Variants in THSD7B observed in about 807,000 individuals in gnomAD.
THSD7B encodes thrombospondin type 1 domain containing 7B.
THSD7B carries 138 observed loss-of-function variants against 213.6 expected under a neutral mutation model. That is an observed-to-expected ratio of 0.65 (90% CI 0.56 to 0.74). The LOEUF (loss-of-function observed/expected upper bound fraction) is 0.74. Ranked by LOEUF, THSD7B falls within the 30% of genes least tolerant of loss-of-function variation. THSD7B has a pLI of 0.00. For synonymous variants in THSD7B, 742 were observed against 687.0 expected (o/e 1.08, Z -1.25); for missense variants, 1,931 against 1,991.5 (o/e 0.97, Z 0.58).
At chr2:136,856,942 A>G (rs763098354) in intron 1 of THSD7B, among the ~76,000 whole-genome samples, 7 of 152,186 alleles carry the variant, frequency 4.6e-5, no homozygotes, top group Non-Finnish European at 1.0e-4. Flanking sequence ...TTCATAAACA[A>G]CTTTTCTGAA....
At chr2:137,614,189 G>T (rs1049845504) in intron 17 of THSD7B, among the ~76,000 whole-genome samples, 11 of 152,058 alleles carry the variant, frequency 7.2e-5, no homozygotes, top group African/African-American at 2.4e-4. Context: ...ACCTCAAGAA[G>T]ATATTTTAGA....
At chr2:136,859,109 G>T (rs973163261) in intron 1 of THSD7B, among the ~76,000 whole-genome samples, 1 of 152,150 alleles carries the variant, frequency 6.6e-6, no homozygotes, top group African/African-American at 2.4e-5. Context: ...CTTACTGTTG[G>T]CACCTGCTAC....
intron 12 of THSD7B, among the ~76,000 whole-genome samples, chr2:137,335,110 G>C (rs996145548): frequency 2.6e-5 from 4 of 152,134 alleles, no homozygotes; most frequent in Non-Finnish European, 5.9e-5. Flanking sequence ...GTGTGGGAAT[G>C]GACTAATCCA....
intron 2 of THSD7B, among the ~76,000 whole-genome samples, chr2:137,047,121 G>C (rs1348031756): frequency 6.6e-6 from 1 of 152,156 alleles, no homozygotes; most frequent in Non-Finnish European, 1.5e-5. Flanking sequence ...GTGCAGCAGT[G>C]GATTCTTGAA....
chr2:137,669,599 A>C (rs1683520291), intron 27 of THSD7B, among the ~76,000 whole-genome samples: 1 of 152,212 alleles, frequency 6.6e-6, no homozygotes, highest in African/African-American at 2.4e-5. Context: ...AAATTTCTTA[A>C]ATTGCAGCAA....
At chr2:137,114,730 C>A (rs1187426990) in intron 4 of THSD7B, among the ~76,000 whole-genome samples, 1 of 152,128 alleles carries the variant, frequency 6.6e-6, no homozygotes, top group Non-Finnish European at 1.5e-5. Context: ...AAAGAAAAGC[C>A]AACTTTCACA....
chr2:136,995,841 G>A (rs1416529239), intron 2 of THSD7B, among the ~76,000 whole-genome samples: 1 of 152,104 alleles, frequency 6.6e-6, no homozygotes, highest in Non-Finnish European at 1.5e-5. Context: ...ATATTTCTCT[G>A]GGTTATTCAT....
chr2:137,621,940 G>A lies in THSD7B; in HGVS notation c.3799+1214G>A, dbSNP rs143228951. ...AAGGTGTTCGTAAAGAGATCACATC[G>A]TGAAAGAGGAAGCAAGAGAGAGAAA... On this transcript the variant is annotated intron_variant, in intron 20 of 27. Coordinates refer to ENST00000409968, the MANE Select transcript of THSD7B (RefSeq NM_001316349.2). Among the ~76,000 whole-genome samples, 7 of 152,262 alleles carry A rather than the reference G, an allele frequency of 4.6e-5. No individual in the cohort carries two copies. In the East Asian group the frequency reaches 1.2e-3, roughly 25 times the overall value.
intron 27 of THSD7B, among the ~76,000 whole-genome samples, chr2:137,674,772 T>C (rs916175909): frequency 1.3e-5 from 2 of 152,192 alleles, no homozygotes; most frequent in African/African-American, 2.4e-5. Context: ...CAGCCATCTC[T>C]GCCCAGCACT....
intron 7 of THSD7B, among the ~76,000 whole-genome samples, chr2:137,176,296 A>G (rs1680355502): frequency 6.6e-6 from 1 of 152,358 alleles, no homozygotes; most frequent in South Asian, 2.1e-4. Context: ...TAAAATAAAT[A>G]TGCGGTTTAT....
chr2:137,625,273 A>G (rs1260280372), intron 20 of THSD7B, among the ~76,000 whole-genome samples: 1 of 142,508 alleles, frequency 7.0e-6, no homozygotes, highest in Admixed American at 7.6e-5. Context: ...GGAATTGAAC[A>G]ATGAAAACAC....
At chr2:136,981,289 T>A (rs1685572651) in intron 2 of THSD7B, among the ~76,000 whole-genome samples, 1 of 152,156 alleles carries the variant, frequency 6.6e-6, no homozygotes, top group Non-Finnish European at 1.5e-5. Flanking sequence ...TCTAGTTTTA[T>A]CCACCCAGTA....
intron 12 of THSD7B, among the ~76,000 whole-genome samples, chr2:137,352,760 A>C (rs72844314): frequency 0.093 from 14,178 of 152,070 alleles, 794 homozygotes; most frequent in Non-Finnish European, 0.12. Context: ...ATTATAGTTA[A>C]TGTTAAACTC....
intron 15 of THSD7B, among the ~76,000 whole-genome samples, chr2:137,452,965 G>A (rs1365471680): frequency 6.6e-6 from 1 of 152,112 alleles, no homozygotes; most frequent in Non-Finnish European, 1.5e-5. Context: ...TGTCTGTAGA[G>A]GGTATTTCTA....
At chr2:136,796,567 G>C (rs887356421) in intron 1 of THSD7B, among the ~76,000 whole-genome samples, 1 of 151,974 alleles carries the variant, frequency 6.6e-6, no homozygotes, top group African/African-American at 2.4e-5. Flanking sequence ...GGTGACAGTA[G>C]AGAGTCATTC....
At chr2:137,413,556 C>A (rs1192337184) in intron 14 of THSD7B, among the ~76,000 whole-genome samples, 1 of 152,172 alleles carries the variant, frequency 6.6e-6, no homozygotes, top group Non-Finnish European at 1.5e-5. Context: ...AAGAAGGAGG[C>A]AGATGTACAA....
At position 137,655,666 on chromosome 2, in the gene THSD7B, C is replaced by T; in HGVS notation, c.4105+6C>T. On this transcript the variant is annotated splice_donor_region_variant and intron_variant, in intron 22 of 27. Transcript: ENST00000409968. ...GTGTTCTGTGCCTTGCCCAGGTATG[C>T]AATGCTAGTGATTGGGAGCGCCTCC... 1 of 1,611,112 alleles carries T rather than the reference C, an allele frequency of 6.2e-7. No homozygotes were observed. Among genetic ancestry groups the T allele is most frequent in the East Asian group, 2.2e-5 (1 of 44,808 alleles).
chr2:136,834,718 A>G (rs1682816779), intron 1 of THSD7B, among the ~76,000 whole-genome samples: 1 of 151,242 alleles, frequency 6.6e-6, no homozygotes. Context: ...TAATGATACA[A>G]CTCCAATAGT....
At chr2:137,196,073 A>G (rs537355005) in intron 7 of THSD7B, among the ~76,000 whole-genome samples, 2 of 152,342 alleles carry the variant, frequency 1.3e-5, no homozygotes, top group African/African-American at 2.4e-5. Context: ...GTGCCTATAG[A>G]CAACAGGGTG....
Sources: allele counts gnomAD v4.1 joint callset (sites outside exome capture counted in the v4.1 genomes callset), GRCh38; gene constraint gnomAD v4.1.1; transcripts MANE v1.5; gene names NCBI Gene and HGNC (gene_info 2026-07-23, HGNC 2026-07-21).